The following C8orf89 variants were observed in gnomAD, a reference collection of about 807,000 sequenced individuals.
C8orf89 encodes chromosome 8 open reading frame 89.
In C8orf89, 14 loss-of-function variants were observed where a neutral mutation model predicts 15.8. The ratio of observed to expected loss-of-function variants is 0.89; its 90% CI spans 0.59 to 1.39. C8orf89 has a LOEUF of 1.39. Ranked by LOEUF, C8orf89 falls within the 40% of genes most tolerant of loss-of-function variation. The pLI, the probability that C8orf89 is intolerant of heterozygous loss-of-function variation, is 0.00. For synonymous variants in C8orf89, 55 were observed against 62.2 expected (o/e 0.88, Z 0.54); for missense variants, 181 against 184.5 (o/e 0.98, Z 0.11).
chr8:73,275,761 T>C, the C8orf89 span, among the ~76,000 whole-genome samples: 1 of 152,206 alleles, frequency 6.6e-6, no homozygotes, highest in South Asian at 2.1e-4. Flanking sequence ...TGCAAATATC[T>C]CTCCCAATAT....
chr8:73,276,501 G>C, the C8orf89 span, among the ~76,000 whole-genome samples: 5 of 152,114 alleles, frequency 3.3e-5, no homozygotes, highest in Non-Finnish European at 7.3e-5. Flanking sequence ...TTTTATTAAA[G>C]TCAGAGGTGG....
chr8:73,256,726 CAA>C (rs11288188), intron 2 of C8orf89, among the ~76,000 whole-genome samples: 389 of 43,632 alleles, frequency 8.9e-3, no homozygotes, highest in African/African-American at 0.029. Flanking sequence ...GACTCTGTCT[CAA>C]AAAAAAAAAA....
chr8:73,265,057 C>T, the C8orf89 span, among the ~76,000 whole-genome samples: 1 of 151,828 alleles, frequency 6.6e-6, no homozygotes, highest in African/African-American at 2.4e-5. Flanking sequence ...GTAAAATACA[C>T]ATCAGATTGC....
chr8:73,271,833 A>G, the C8orf89 span, among the ~76,000 whole-genome samples: 2 of 152,156 alleles, frequency 1.3e-5, no homozygotes, highest in African/African-American at 2.4e-5. Flanking sequence ...CCATGATTCA[A>G]TTATCTCCCA....
chr8:73,278,226 T>C, the C8orf89 span, among the ~76,000 whole-genome samples: 1 of 152,192 alleles, frequency 6.6e-6, no homozygotes, highest in Admixed American at 6.5e-5. Flanking sequence ...CCTAAAACGT[T>C]ATTTGTACAC....
upstream of C8orf89, among the ~76,000 whole-genome samples, chr8:73,264,107 T>C (rs915478302): frequency 2.0e-5 from 3 of 152,178 alleles, no homozygotes; most frequent in East Asian, 1.9e-4. Flanking sequence ...TTAGGAACAC[T>C]GAACAGCACT....
chr8:73,261,852 C>G (rs1200405422), upstream of C8orf89, among the ~76,000 whole-genome samples: 1 of 152,150 alleles, frequency 6.6e-6, no homozygotes, highest in Non-Finnish European at 1.5e-5. Context: ...GCCAGGTCCT[C>G]TGGGCCCAGC....
At chr8:73,243,170 G>A (rs1813043277) in intron 3 of C8orf89, among the ~76,000 whole-genome samples, 1 of 152,174 alleles carries the variant, frequency 6.6e-6, no homozygotes, top group Non-Finnish European at 1.5e-5. Context: ...GGATAGTGGA[G>A]GAGAGATGCG....
chr8:73,260,393 G>T (rs963208356), upstream of C8orf89, among the ~76,000 whole-genome samples: 1 of 151,372 alleles, frequency 6.6e-6, no homozygotes, highest in Non-Finnish European at 1.5e-5. Context: ...GTCGTGGGGT[G>T]GGGGAGGGGG....
At chr8:73,256,727 A>G in intron 2 of C8orf89, among the ~76,000 whole-genome samples, 1 of 87,712 alleles carries the variant, frequency 1.1e-5, no homozygotes, top group East Asian at 2.9e-4. Context: ...ACTCTGTCTC[A>G]AAAAAAAAAA....
upstream of C8orf89, among the ~76,000 whole-genome samples, chr8:73,262,862 G>T (rs1005287394): frequency 6.6e-6 from 1 of 151,876 alleles, no homozygotes; most frequent in Non-Finnish European, 1.5e-5. Flanking sequence ...AGCCATATCT[G>T]CAAGAATATA....
At chr8:73,284,555 A>G in the C8orf89 span, among the ~76,000 whole-genome samples, 75 of 152,198 alleles carry the variant, frequency 4.9e-4, no homozygotes, top group Middle Eastern at 3.4e-3. Flanking sequence ...AAAATAATTC[A>G]TGGTATGATT....
At chr8:73,274,274 C>T in the C8orf89 span, among the ~76,000 whole-genome samples, 1 of 152,078 alleles carries the variant, frequency 6.6e-6, no homozygotes, top group East Asian at 1.9e-4. Flanking sequence ...CTGACAGCCT[C>T]CCGAGTAGCT....
At chr8:73,260,405 A>G (rs1813502754), upstream of C8orf89, among the ~76,000 whole-genome samples, 1 of 152,028 alleles carries the variant, frequency 6.6e-6, no homozygotes, top group Non-Finnish European at 1.5e-5. Context: ...GGGAGGGGGC[A>G]GGGATAGCAT....
chr8:73,252,225 C>T (rs1233992188), intron 2 of C8orf89, among the ~76,000 whole-genome samples: 1 of 152,086 alleles, frequency 6.6e-6, no homozygotes, highest in East Asian at 1.9e-4. Flanking sequence ...TGTGGTGTTA[C>T]TTACAAAACC....
intron 1 of C8orf89, among the ~76,000 whole-genome samples, chr8:73,257,683 T>C (rs1813428359): frequency 2.0e-5 from 3 of 152,262 alleles, no homozygotes; most frequent in South Asian, 2.1e-4. Context: ...CACATATCCA[T>C]TGCACAGAGA....
upstream of C8orf89, among the ~76,000 whole-genome samples, chr8:73,263,310 C>G (rs1813562212): frequency 6.6e-6 from 1 of 152,094 alleles, no homozygotes; most frequent in African/African-American, 2.4e-5. Context: ...GCCAGGAGTT[C>G]AAGACCAGTG....
At chr8:73,247,132 C>T (rs1463673776) in intron 3 of C8orf89, among the ~76,000 whole-genome samples, 2 of 152,126 alleles carry the variant, frequency 1.3e-5, no homozygotes, top group Non-Finnish European at 2.9e-5. Context: ...TAGATTATTT[C>T]TTCACCTGAG....
At chr8:73,262,582 T>C (rs1813548310), upstream of C8orf89, among the ~76,000 whole-genome samples, 1 of 151,994 alleles carries the variant, frequency 6.6e-6, no homozygotes, top group Admixed American at 6.6e-5. Context: ...TTTGAGAGGC[T>C]GAGGCAGGAG....
Sources: allele counts gnomAD v4.1 joint callset (sites outside exome capture counted in the v4.1 genomes callset), GRCh38; gene constraint gnomAD v4.1.1; transcripts MANE v1.5; gene names NCBI Gene and HGNC (gene_info 2026-07-23, HGNC 2026-07-21).